The following CACNA1B variants were observed in gnomAD, a reference collection of about 807,000 sequenced individuals.
CACNA1B encodes the protein voltage-dependent N-type calcium channel subunit alpha-1B.
Under a neutral mutation model 247.2 loss-of-function variants are expected in CACNA1B, and 70 were observed. The observed-to-expected ratio is 0.28, with a 90% CI of 0.23 to 0.35. The LOEUF (loss-of-function observed/expected upper bound fraction) is 0.35, where lower values mean the gene tolerates loss of function less well. Among genes scored for constraint, CACNA1B ranks in the 10% least tolerant of loss-of-function variants. The pLI, the probability that CACNA1B is intolerant of heterozygous loss-of-function variation, is 1.00. For synonymous variants in CACNA1B, 1,231 were observed against 1,294.4 expected, an observed-to-expected ratio of 0.95 and a Z score of 1.05; for missense variants, 2,367 against 3,197.4, an observed-to-expected ratio of 0.74 and a Z score of 6.26.
chr9:138,030,987 A>G (rs1958981253), intron 20 of CACNA1B, among the ~76,000 whole-genome samples: 1 of 152,078 alleles, frequency 6.6e-6, no homozygotes, highest in Admixed American at 6.5e-5. Flanking sequence ...TGATGTTTTC[A>G]AAGAACCAAA....
chr9:137,978,284 G>T (rs1958250439), intron 12 of CACNA1B, among the ~76,000 whole-genome samples: 1 of 146,356 alleles, frequency 6.8e-6, no homozygotes, highest in African/African-American at 2.5e-5. Context: ...GGAGTGACAG[G>T]TGGGAGCACT....
At chr9:138,044,041 G>A in intron 21 of CACNA1B, 141 bp downstream of exon 21, 1 of 1,171,954 alleles carries the variant, frequency 8.5e-7, no homozygotes, top group East Asian at 2.4e-5. Flanking sequence ...GACCCCAGAG[G>A]CACGTGCCCG....
At chr9:137,893,893 C>T (rs942199399) in intron 3 of CACNA1B, among the ~76,000 whole-genome samples, 1 of 152,202 alleles carries the variant, frequency 6.6e-6, no homozygotes, top group Non-Finnish European at 1.5e-5. Flanking sequence ...TCATGCTGCC[C>T]TTCTATGGCT....
chr9:137,949,935 A>C (rs1957860246), intron 6 of CACNA1B, among the ~76,000 whole-genome samples: 1 of 152,188 alleles, frequency 6.6e-6, no homozygotes, highest in Admixed American at 6.5e-5. Flanking sequence ...TAACCATCAC[A>C]GCATCTAAGA....
intron 5 of CACNA1B, among the ~76,000 whole-genome samples, chr9:137,916,794 C>T (rs183122197): frequency 3.3e-3 from 486 of 147,238 alleles, no homozygotes; most frequent in Middle Eastern, 7.0e-3. Flanking sequence ...GCAGTTTGGC[C>T]GTGAGGGAGA....
At position 137,974,246 on chromosome 9, in the gene CACNA1B, T is replaced by G. The variant is rs184457701; in HGVS notation, c.1544-1661T>G. Reference sequence around the variant, plus strand: ...GAGCTGTAGGGTCCAGTGGTCTCAGTTGAGGGTGGATCCTTCCATTCCCGA... The same window carrying G: ...GAGCTGTAGGGTCCAGTGGTCTCAGGTGAGGGTGGATCCTTCCATTCCCGA... On this transcript the variant is annotated intron_variant, in intron 11 of 46. Coordinates refer to ENST00000371372, the MANE Select transcript of CACNA1B (RefSeq NM_000718.4). This position sits in a 1 kb window ranked among gnomAD's most constrained non-coding sequence, Gnocchi z 4.5. 2.2e-4 allele frequency among the ~76,000 whole-genome samples: 33 copies of G among 152,250 alleles called. No individual in the cohort carries two copies. In the Middle Eastern group the frequency reaches 0.01, roughly 47 times the overall value.
intron 3 of CACNA1B, among the ~76,000 whole-genome samples, chr9:137,911,591 T>A (rs1456294413): frequency 2.0e-5 from 3 of 150,558 alleles, no homozygotes; most frequent in African/African-American, 7.4e-5. Flanking sequence ...AGTTTTTGTA[T>A]TTTTTTTTGT....
rs1468309662 is a variant in CACNA1B at position 137,906,223 on chromosome 9, T to C, written c.531-6957T>C. ...AGAGGATTATAGCAACTCCTCCTTG[T>C]TAAAATGCGTTTCTGTCTTTCATGT... On this transcript the variant is annotated intron_variant, in intron 3 of 46. Transcript: ENST00000371372. Among the ~76,000 whole-genome samples, 3 of 152,248 alleles carry C rather than the reference T, an allele frequency of 2.0e-5. No individual in the cohort carries two copies. In the East Asian group the frequency reaches 5.8e-4, roughly 29 times the overall value.
At position 137,955,030 on chromosome 9, in the gene CACNA1B, G is replaced by C. The variant is rs889669627; in HGVS notation, c.1071-668G>C. Among the ~76,000 whole-genome samples, 19 of 152,022 alleles carry C rather than the reference G, an allele frequency of 1.2e-4. No individual in the cohort carries two copies. The highest frequency in any genetic ancestry group is 4.6e-4 in the African/African-American group (19 of 41,376). ...AGTGTTCTCTGCTGGTCACCATGAC[G>C]GCTGTGAAGGCTCAGGCGGGGCTGG... On this transcript the variant is annotated intron_variant, in intron 7 of 46. Coordinates refer to ENST00000371372, the MANE Select transcript of CACNA1B (RefSeq NM_000718.4). The surrounding 1 kb of genome is among the most constrained non-coding windows in gnomAD (Gnocchi z 6.9).
chr9:137,981,767 C>A (rs1958295853), intron 12 of CACNA1B, among the ~76,000 whole-genome samples: 1 of 152,254 alleles, frequency 6.6e-6, no homozygotes, highest in Admixed American at 6.5e-5. Flanking sequence ...GCATGAGCCA[C>A]CACGCCTTGC....
intron 32 of CACNA1B, among the ~76,000 whole-genome samples, chr9:138,070,239 A>G (rs2133530034): frequency 6.6e-6 from 1 of 152,266 alleles, no homozygotes; most frequent in Non-Finnish European, 1.5e-5. Flanking sequence ...ACTCCCCTGT[A>G]GCTTCCGTCC....
intron 43 of CACNA1B, 72 bp from the exon 44 acceptor site, chr9:138,118,566 AGTGCCTCATGGAGT>A: frequency 1.5e-6 from 1 of 668,882 alleles, no homozygotes. Context: ...GTGAGACCCC[AGTGCCTCATGGAGT>A]GAGTCCGGGG....
At chr9:138,008,386 G>A (rs957724210) in intron 16 of CACNA1B, among the ~76,000 whole-genome samples, 1 of 152,242 alleles carries the variant, frequency 6.6e-6, no homozygotes, top group African/African-American at 2.4e-5. Flanking sequence ...CAAGGGGCAT[G>A]GCCCTTGGTC....
chr9:138,113,259 C>G (rs1468709880), intron 40 of CACNA1B, among the ~76,000 whole-genome samples: 2 of 147,588 alleles, frequency 1.4e-5, no homozygotes, highest in Admixed American at 1.4e-4. Flanking sequence ...GGGAGGTGCC[C>G]AACTCCATCT....
chr9:137,911,605 G>A (rs1320815957), intron 3 of CACNA1B, among the ~76,000 whole-genome samples: 2 of 152,126 alleles, frequency 1.3e-5, no homozygotes, highest in East Asian at 1.9e-4. Context: ...TTTTTGTAGA[G>A]ACGGGGTTTC....
At chr9:137,979,747 G>C (rs1487737188) in intron 12 of CACNA1B, among the ~76,000 whole-genome samples, 1 of 152,220 alleles carries the variant, frequency 6.6e-6, no homozygotes, top group African/African-American at 2.4e-5. Context: ...TTAGGTCCAG[G>C]TGTGGGTGAG....
chr9:137,917,410 C>T lies in CACNA1B; in HGVS notation c.945C>T (p.Gly315=), dbSNP rs1957424237. ...TGTTCCAGTGCATCACCATGGAGGG[C>T]TGGACTGACATCCTCTATAATGTGA... The part of the protein sequence containing the change: ...LTVFQCITME[G]WTDILYNTND... The change falls in exon 6 of 47, where the codon GGC becomes GGT. Residue 315 remains glycine, a synonymous_variant. Coordinates refer to ENST00000371372, the MANE Select transcript of CACNA1B (RefSeq NM_000718.4). The surrounding 1 kb of genome is among the most constrained non-coding windows in gnomAD (Gnocchi z 5.5). The T allele has an allele frequency of 2.5e-6, 4 of 1,613,678 alleles. No individual in the cohort carries two copies. Among genetic ancestry groups the T allele is most frequent in the South Asian group, 2.2e-5 (2 of 91,068 alleles).
In CACNA1B at chr9:138,122,497, GCTCA is replaced by G. The variant is rs1962137544; in HGVS notation, c.*503_*506del. ...GTGCAGCCCGCCAGTGTCAGCGAAT[GCTCA>G]CTCAGGCAAGCTCTGTCCTCCCTGG... On this transcript the variant is annotated 3_prime_UTR_variant, in exon 47 of 47. Transcript: ENST00000371372. 6.3e-6 allele frequency: 1 copy of G among 159,216 alleles called. No individual in the cohort carries two copies. 9.9% of individuals were successfully genotyped at this position (159,216 alleles called of 1,614,324 possible). A position where few individuals can be genotyped will look rare whatever the true frequency, so the allele number is the denominator to read the frequency against.
In CACNA1B at chr9:137,947,975, CTT is replaced by C. The variant is rs71387878; in HGVS notation, c.967-4277_967-4276del. ...TAAAGTTGAGAAGTTTTCAGCATTC[CTT>C]TTTTTTTTTTTTTTTTTTTTTGAGA... is the stretch of plus-strand genomic sequence containing the variant. On this transcript the variant is annotated intron_variant, in intron 6 of 46. Coordinates refer to ENST00000371372, the MANE Select transcript of CACNA1B (RefSeq NM_000718.4). Among the ~76,000 whole-genome samples the C allele has an allele frequency of 8.6e-3, 685 of 79,338 alleles. 1 individual carries two copies. Among genetic ancestry groups the C allele is most frequent in the South Asian group, 0.014 (29 of 2,148 alleles). The allele number at this position is 79,338 out of a possible 152,430, so 52.0% of individuals were successfully genotyped here.
Sources: allele counts gnomAD v4.1 joint callset (sites outside exome capture counted in the v4.1 genomes callset), GRCh38; gene constraint gnomAD v4.1.1; non-coding constraint Gnocchi (gnomAD v3.1); transcripts MANE v1.5; gene names NCBI Gene and HGNC (gene_info 2026-07-23, HGNC 2026-07-21).